Variants in GRK3 observed in about 807,000 individuals in gnomAD.
GRK3 encodes adrenergic, beta, receptor kinase 2.
In GRK3, 54 loss-of-function variants were observed where a neutral mutation model predicts 95.7. The ratio of observed to expected loss-of-function variants is 0.56; its 90% CI spans 0.45 to 0.71. The LOEUF (loss-of-function observed/expected upper bound fraction) is 0.71. GRK3 is among the 30% of genes least tolerant of loss of function. The probability of loss-of-function intolerance (pLI) is 0.00; values close to 1 mark genes in which losing one functional copy is unlikely to be tolerated. For missense variants in GRK3, 649 were observed against 851.2 expected, an observed-to-expected ratio of 0.76 and a Z score of 2.96; for synonymous variants, 281 against 290.8, an observed-to-expected ratio of 0.97 and a Z score of 0.34.
Position 25,674,533 on chromosome 22 carries a change from G to C in GRK3, c.647+5G>C. 1 of 1,594,314 alleles carries C rather than the reference G, an allele frequency of 6.3e-7. No homozygotes were observed. The highest frequency in any genetic ancestry group is 8.6e-7 in the Non-Finnish European group (1 of 1,162,446). On this transcript the variant is annotated splice_donor_5th_base_variant and intron_variant, in intron 8 of 20. Transcript: ENST00000324198. Reference sequence around the variant, plus strand: ...GAAAGCAGACACTGGAAAAATGTAAGCTTTCAATGCTCTTATGTTTTACTG... The same window carrying C: ...GAAAGCAGACACTGGAAAAATGTAACCTTTCAATGCTCTTATGTTTTACTG...
intron 1 of GRK3, among the ~76,000 whole-genome samples, chr22:25,597,615 A>G (rs1042104885): frequency 2.0e-5 from 3 of 152,188 alleles, no homozygotes; most frequent in Non-Finnish European, 4.4e-5. Context: ...GAGAACCCCA[A>G]GCAGGGTAAA....
chr22:25,703,618 G>C, intron 14 of GRK3, 42 bp downstream of exon 14: 1 of 1,366,358 alleles, frequency 7.3e-7, no homozygotes, highest in Non-Finnish European at 1.0e-6. Flanking sequence ...TATGGTAATT[G>C]TCATGCTTCA....
At chr22:25,569,911 C>T (rs1931625416) in intron 1 of GRK3, among the ~76,000 whole-genome samples, 1 of 152,198 alleles carries the variant, frequency 6.6e-6, no homozygotes, top group Non-Finnish European at 1.5e-5. Flanking sequence ...AGGTAAGGAG[C>T]TCAGCCCAGG....
chr22:25,622,312 TCAGCTCCCTC>T (rs1380060533), intron 2 of GRK3, among the ~76,000 whole-genome samples: 1 of 152,182 alleles, frequency 6.6e-6, no homozygotes, highest in African/African-American at 2.4e-5. Context: ...GATGCGGGGA[TCAGCTCCCTC>T]AGCGTCTGAG....
chr22:25,621,659 T>A (rs1280547369), intron 2 of GRK3, among the ~76,000 whole-genome samples: 3 of 152,204 alleles, frequency 2.0e-5, no homozygotes, highest in Admixed American at 1.3e-4. Flanking sequence ...GCAAGAATGG[T>A]TATTTTTACA....
In GRK3 at chr22:25,722,351, G is replaced by T. The variant is rs762014626; in HGVS notation, c.1968G>T (p.Arg656=). The T allele has an allele frequency of 7.4e-6, 12 of 1,614,198 alleles. No individual in the cohort carries two copies. Among genetic ancestry groups the T allele is most frequent in the African/African-American group, 1.3e-5 (1 of 75,050 alleles). Residue 656 remains arginine (R), a synonymous_variant, in exon 21 of 21, where the codon CGG becomes CGT. Transcript: ENST00000324198. ...ELNETFKEAQ[R]LLRRAPKFLN... ...ACGAAACCTTCAAGGAGGCCCAGCGGCTATTGCGTCGTGCCCCGAAGTTCC... is the reference window on the plus strand; with the variant it reads ...ACGAAACCTTCAAGGAGGCCCAGCGTCTATTGCGTCGTGCCCCGAAGTTCC...
chr22:25,636,761 A>G (rs1342433975), intron 2 of GRK3, among the ~76,000 whole-genome samples: 4 of 152,154 alleles, frequency 2.6e-5, no homozygotes, highest in African/African-American at 9.7e-5. Flanking sequence ...TAAAAACCAT[A>G]GATCAGTTTT....
intron 17 of GRK3, 119 bp downstream of exon 17, chr22:25,711,282 A>G (rs2085342143): frequency 3.7e-6 from 2 of 544,892 alleles, no homozygotes; most frequent in Non-Finnish European, 6.3e-6. Context: ...CTTACAAATG[A>G]GTATCAACAT....
At chr22:25,568,376 T>C (rs1247667566) in intron 1 of GRK3, among the ~76,000 whole-genome samples, 2 of 152,286 alleles carry the variant, frequency 1.3e-5, no homozygotes, top group East Asian at 3.9e-4. Context: ...TGAAGGCGGT[T>C]GAGTAATGTG....
chr22:25,614,921 C>T (rs2084526646), intron 2 of GRK3, among the ~76,000 whole-genome samples: 2 of 152,072 alleles, frequency 1.3e-5, no homozygotes, highest in African/African-American at 4.8e-5. Flanking sequence ...CAGAAGGCTC[C>T]CATCCCTAAC....
At chr22:25,688,095 G>A (rs1191965783) in intron 11 of GRK3, among the ~76,000 whole-genome samples, 3 of 152,018 alleles carry the variant, frequency 2.0e-5, no homozygotes, top group Non-Finnish European at 2.9e-5. Flanking sequence ...AATTAGCCGG[G>A]CGTGGTGGCA....
chr22:25,701,220 G>A (rs2085256627), intron 13 of GRK3, among the ~76,000 whole-genome samples: 1 of 152,196 alleles, frequency 6.6e-6, no homozygotes, highest in African/African-American at 2.4e-5. Flanking sequence ...ATTTAAAGCG[G>A]CTGCATCAGG....
In GRK3 at chr22:25,727,048, A is replaced by G. The variant is rs2085480540; in HGVS notation, c.*4598A>G. The stretch of plus-strand genomic sequence containing the variant: ...CAGTTGGGGACACTGTTACAAATCC[A>G]CTGAAGTCCTGGTAAAACTGTCAAG... On this transcript the variant is annotated 3_prime_UTR_variant, in exon 21 of 21. Transcript: ENST00000324198. 1 of 152,072 alleles carries G rather than the reference A, an allele frequency of 6.6e-6. No homozygotes were observed. Among genetic ancestry groups the G allele is most frequent in the Admixed American group, 6.6e-5 (1 of 15,232 alleles). 9.4% of individuals were successfully genotyped at this position (152,072 alleles called of 1,614,324 possible).
Position 25,718,271 on chromosome 22 carries a change from A to G in GRK3, c.1681A>G (p.Met561Val), listed in dbSNP as rs549236003. Residue 561 changes from methionine (M) to valine (V), a missense_variant, in exon 19 of 21, where the codon ATG becomes GTG. Physicochemically the swap from Met to Val is conservative, Grantham distance 21. This residue lies in a region of GRK3 where 382 missense variants were observed against 493.8 expected (regional missense o/e 0.77). Transcript: ENST00000324198. ...TTACGCTCTGGGGAAGGACTGTATT[A>G]TGCACGGGTACATGCTGAAACTGGG... Reference protein sequence around the residue: ...EDYALGKDCIMHGYMLKLGNP... With the variant: ...EDYALGKDCIVHGYMLKLGNP... The G allele has an allele frequency of 1.5e-5, 24 of 1,614,046 alleles. No individual in the cohort carries two copies. In the South Asian group the frequency reaches 2.3e-4, roughly 16 times the overall value.
intron 2 of GRK3, among the ~76,000 whole-genome samples, chr22:25,629,876 C>T (rs1170255033): frequency 2.6e-5 from 4 of 152,164 alleles, no homozygotes; most frequent in Non-Finnish European, 4.4e-5. Context: ...GGAACACTGA[C>T]GTTTTAGCAT....
At chr22:25,640,709 A>G (rs1418787510) in intron 2 of GRK3, among the ~76,000 whole-genome samples, 1 of 152,236 alleles carries the variant, frequency 6.6e-6, no homozygotes, top group Admixed American at 6.5e-5. Flanking sequence ...CTTACATTTT[A>G]TAAAAAGCAA....
intron 9 of GRK3, among the ~76,000 whole-genome samples, chr22:25,681,388 G>T (rs914398778): frequency 4.6e-5 from 7 of 152,114 alleles, no homozygotes; most frequent in Admixed American, 3.9e-4. Flanking sequence ...TGGGGTCAGC[G>T]AATGCCTTTC....
intron 1 of GRK3, among the ~76,000 whole-genome samples, chr22:25,601,237 A>C (rs973565241): frequency 2.1e-4 from 32 of 152,326 alleles, no homozygotes; most frequent in African/African-American, 7.5e-4. Flanking sequence ...GAACTACTCA[A>C]AACAGTAGAT....
intron 2 of GRK3, among the ~76,000 whole-genome samples, chr22:25,628,337 A>G (rs2084641918): frequency 6.6e-6 from 1 of 152,208 alleles, no homozygotes; most frequent in African/African-American, 2.4e-5. Context: ...TTTAACTTAC[A>G]AGTTTTTCTC....
Sources: allele counts gnomAD v4.1 joint callset (sites outside exome capture counted in the v4.1 genomes callset), GRCh38; gene constraint gnomAD v4.1.1; regional missense constraint gnomAD v4.1.1; transcripts MANE v1.5; gene names NCBI Gene and HGNC (gene_info 2026-07-23, HGNC 2026-07-21).